Variants in MYH15 observed in about 807,000 individuals in gnomAD.
MYH15 encodes the protein myosin heavy chain 15, also known as myosin-15.
A neutral mutation model predicts 240.5 loss-of-function variants in MYH15; 227 were observed. The observed-to-expected ratio is 0.94, with a 90% CI of 0.85 to 1.05. MYH15 has a LOEUF of 1.05. MYH15 is among the 50% of genes least tolerant of loss of function. MYH15 has a pLI of 0.00. For synonymous variants in MYH15, 785 were observed against 796.7 expected (o/e 0.99, Z 0.25); for missense variants, 2,217 against 2,247.5 (o/e 0.99, Z 0.27).
Position 108,433,576 on chromosome 3 carries a change from A to T in MYH15, c.3222-2654T>A, listed in dbSNP as rs1817235. Among the ~76,000 whole-genome samples, 616 of 149,486 alleles carry T rather than the reference A, an allele frequency of 4.1e-3. 20 individuals carry two copies. The East Asian group carries it at 0.078, about 19-fold the overall frequency. The stretch of plus-strand genomic sequence containing the variant: ...GAATTTCCAGGTGTTGTGGGAGGGA[A>T]CCTGTGGGAGGTAATTGAATCATGG... On this transcript the variant is annotated intron_variant, in intron 25 of 40. Coordinates refer to ENST00000693548, the MANE Select transcript of MYH15 (RefSeq NM_014981.3).
chr3:108,407,665 T>TC (rs1481162063), intron 32 of MYH15, among the ~76,000 whole-genome samples: 1 of 152,208 alleles, frequency 6.6e-6, no homozygotes, highest in African/African-American at 2.4e-5. Flanking sequence ...CAACATCACT[T>TC]TGAATCTTAT....
At chr3:108,491,735 AGTTCAG>A (rs2083349975) in intron 9 of MYH15, among the ~76,000 whole-genome samples, 1 of 152,124 alleles carries the variant, frequency 6.6e-6, no homozygotes, top group Non-Finnish European at 1.5e-5. Flanking sequence ...CAACTCCCTG[AGTTCAG>A]AAACCATCGG....
the MYH15 span, among the ~76,000 whole-genome samples, chr3:108,548,882 A>G: frequency 1.3e-5 from 2 of 152,100 alleles, no homozygotes; most frequent in African/African-American, 4.8e-5. Context: ...TAGTCCTTAT[A>G]ATATATAAGT....
At chr3:108,423,454 G>C (rs754740778) in intron 27 of MYH15, among the ~76,000 whole-genome samples, 13 of 152,124 alleles carry the variant, frequency 8.5e-5, no homozygotes, top group Non-Finnish European at 1.8e-4. Context: ...CCTCACATAG[G>C]TTAGAGCATT....
chr3:108,390,634 T>C (rs1451546389), intron 37 of MYH15, among the ~76,000 whole-genome samples: 1 of 152,230 alleles, frequency 6.6e-6, no homozygotes, highest in African/African-American at 2.4e-5. Context: ...ATTTTGTCCT[T>C]ATATTGAGGG....
chr3:108,488,658 T>C (rs971734376), intron 9 of MYH15, among the ~76,000 whole-genome samples: 3 of 152,188 alleles, frequency 2.0e-5, no homozygotes, highest in Middle Eastern at 3.2e-3. Context: ...TGTGTATATA[T>C]ACCACATTTT....
chr3:108,431,653 A>C (rs1052096323), intron 25 of MYH15, among the ~76,000 whole-genome samples: 1 of 152,212 alleles, frequency 6.6e-6, no homozygotes. Context: ...TGGTACCAGT[A>C]GAGTGGGGTG....
chr3:108,470,211 T>G lies in MYH15; in HGVS notation c.1385A>C (p.Tyr462Ser), dbSNP rs1287746933. The change falls in exon 14 of 41, where the codon TAT becomes TCT. Residue 462 changes from tyrosine (Y) to serine (S), a missense_variant and splice_region_variant. Physicochemically the swap from Tyr to Ser is moderately radical, Grantham distance 144. Coordinates refer to ENST00000693548, the MANE Select transcript of MYH15 (RefSeq NM_014981.3). Reference protein sequence around the residue: ...LDITGFEILEYNSLEQLCINF... With the variant: ...LDITGFEILESNSLEQLCINF... ...AATGCAAAGTTGCTCAAGGCTATTA[T>G]ACTTCAAGGATATGAATAGGTAAGA... 6.3e-7 allele frequency: 1 copy of G among 1,596,144 alleles called. No homozygotes were observed. Among genetic ancestry groups the G allele is most frequent in the East Asian group, 2.2e-5 (1 of 44,662 alleles).
chr3:108,527,359 A>G (rs2083680572), intron 1 of MYH15, among the ~76,000 whole-genome samples: 1 of 152,136 alleles, frequency 6.6e-6, no homozygotes, highest in Admixed American at 6.6e-5. Flanking sequence ...AGACACTGGC[A>G]TTCCACAGCC....
chr3:108,523,054 T>C (rs2083634056), intron 1 of MYH15, among the ~76,000 whole-genome samples: 1 of 152,088 alleles, frequency 6.6e-6, no homozygotes. Context: ...TATAAAGTGA[T>C]AGTTTCATAC....
At chr3:108,414,450 A>C (rs1210915459) in intron 29 of MYH15, 22 bp from the exon 30 acceptor site, 2 of 1,595,060 alleles carry the variant, frequency 1.3e-6, no homozygotes, top group Admixed American at 1.7e-5. Context: ...ACACATTAAC[A>C]AAAAGGTCAT....
chr3:108,470,882 C>T, intron 12 of MYH15, 35 bp from the exon 13 acceptor site: 1 of 1,606,060 alleles, frequency 6.2e-7, no homozygotes, highest in South Asian at 1.1e-5. Context: ...CTTCATCTGA[C>T]TGAAGTGTTC....
intron 21 of MYH15, among the ~76,000 whole-genome samples, chr3:108,450,218 T>C (rs1013986079): frequency 6.6e-6 from 1 of 152,280 alleles, no homozygotes; most frequent in Admixed American, 6.5e-5. Context: ...AAAATACTAA[T>C]GAAATTAGAA....
At chr3:108,396,776 G>A (rs1020123996) in intron 35 of MYH15, among the ~76,000 whole-genome samples, 4 of 152,168 alleles carry the variant, frequency 2.6e-5, no homozygotes, top group Non-Finnish European at 5.9e-5. Flanking sequence ...GTACCCAGAC[G>A]GGATTGTGTC....
chr3:108,476,355 G>GGAA, intron 12 of MYH15, 42 bp downstream of exon 12: 1 of 1,186,480 alleles, frequency 8.4e-7, no homozygotes, highest in Non-Finnish European at 1.3e-6. Flanking sequence ...TACAATTATT[G>GGAA]GAAGATCATA....
At chr3:108,483,119 G>A (rs555271902) in intron 11 of MYH15, among the ~76,000 whole-genome samples, 1 of 150,588 alleles carries the variant, frequency 6.6e-6, no homozygotes, top group East Asian at 2.0e-4. Context: ...AGAATCGCTT[G>A]AACCTGGGAA....
chr3:108,422,220 CTTTT>C (rs35897568), intron 27 of MYH15, among the ~76,000 whole-genome samples: 10 of 122,912 alleles, frequency 8.1e-5, no homozygotes, highest in Admixed American at 1.6e-4. Context: ...TTTTTATTAT[CTTTT>C]TTTTTTTTTT....
At chr3:108,512,740 G>C (rs1051257992), upstream of MYH15, among the ~76,000 whole-genome samples, 2 of 152,070 alleles carry the variant, frequency 1.3e-5, no homozygotes, top group Non-Finnish European at 2.9e-5. Context: ...GAGATGAAAA[G>C]ATCACAGCAA....
At chr3:108,531,795 A>AATAAATAC (rs1341170924), upstream of MYH15, among the ~76,000 whole-genome samples, 1 of 151,260 alleles carries the variant, frequency 6.6e-6, no homozygotes, top group Non-Finnish European at 1.5e-5. Flanking sequence ...TAAATAAATA[A>AATAAATAC]ATAAATAAAT....
Sources: gnomAD v4.1 joint callset for allele counts (sites outside exome capture counted in the v4.1 genomes callset) on GRCh38, gnomAD v4.1.1 for gene constraint, MANE v1.5 for transcripts, NCBI Gene and HGNC (gene_info 2026-07-23, HGNC 2026-07-21) for gene names.